LINGO2: variants seen among roughly 807,000 people sequenced by gnomAD.
LINGO2 encodes the protein leucine-rich repeat and immunoglobulin-like domain-containing nogo receptor-interacting protein 2.
LINGO2 carries 14 observed loss-of-function variants against 30.6 expected under a neutral mutation model. That is an observed-to-expected ratio of 0.46 (90% CI 0.30 to 0.72). The LOEUF is 0.72. Ranked by LOEUF, LINGO2 falls within the 30% of genes least tolerant of loss-of-function variation. The probability of loss-of-function intolerance (pLI) is 0.07; values close to 1 mark genes in which losing one functional copy is unlikely to be tolerated. For synonymous variants in LINGO2, 317 were observed against 288.5 expected (o/e 1.10, Z -1.00); for missense variants, 729 against 751.7 (o/e 0.97, Z 0.35).
At chr9:28,742,484 G>C in the LINGO2 span, among the ~76,000 whole-genome samples, 2 of 150,812 alleles carry the variant, frequency 1.3e-5, no homozygotes, top group African/African-American at 4.9e-5. Flanking sequence ...GTTGCGATTG[G>C]GCTTTAAACA....
chr9:28,052,886 A>G (rs1824740504), intron 4 of LINGO2, among the ~76,000 whole-genome samples: 1 of 152,122 alleles, frequency 6.6e-6, no homozygotes, highest in Non-Finnish European at 1.5e-5. Flanking sequence ...ATATCTAGAT[A>G]ATTGCTACTG....
intron 3 of LINGO2, among the ~76,000 whole-genome samples, chr9:28,332,366 T>C (rs969772362): frequency 1.1e-4 from 16 of 152,156 alleles, no homozygotes; most frequent in African/African-American, 3.4e-4. Context: ...GAGCTTCCTC[T>C]TTGACCCTTA....
chr9:28,617,263 G>A (rs891668159), intron 1 of LINGO2, among the ~76,000 whole-genome samples: 14 of 151,612 alleles, frequency 9.2e-5, no homozygotes, highest in African/African-American at 2.4e-4. Flanking sequence ...TCCTCTTTCC[G>A]GCTAGTTTAA....
In LINGO2 at chr9:28,590,175, C is replaced by A. The variant is rs1156241329; in HGVS notation, c.-365+80025G>T. 3.1e-3 allele frequency among the ~76,000 whole-genome samples: 468 copies of A among 152,094 alleles called. 7 individuals carry two copies. The highest frequency in any genetic ancestry group is 0.011 in the African/African-American group (450 of 41,524). On this transcript the variant is annotated intron_variant, in intron 1 of 5. Coordinates refer to ENST00000379992, the Ensembl canonical transcript of LINGO2. ...TAATTCAAGATGGATTAAAGCCTTA[C>A]ATGTTAGACCTAAAACCATAAAAAC...
At chr9:28,770,265 C>G in the LINGO2 span, among the ~76,000 whole-genome samples, 1 of 152,130 alleles carries the variant, frequency 6.6e-6, no homozygotes, top group East Asian at 1.9e-4. Context: ...TGAAACCCAT[C>G]TTTTTCTAGC....
the LINGO2 span, among the ~76,000 whole-genome samples, chr9:28,767,629 CA>C: frequency 6.6e-6 from 1 of 151,454 alleles, no homozygotes; most frequent in African/African-American, 2.4e-5. Context: ...ACTAAAAATA[CA>C]AAAAAATTAG....
intron 4 of LINGO2, among the ~76,000 whole-genome samples, chr9:28,269,319 T>C (rs902365539): frequency 1.3e-5 from 2 of 152,218 alleles, no homozygotes; most frequent in African/African-American, 4.8e-5. Flanking sequence ...TCAATAAATA[T>C]GATTTCAGTG....
chr9:28,730,290 C>G, the LINGO2 span, among the ~76,000 whole-genome samples: 1 of 152,112 alleles, frequency 6.6e-6, no homozygotes, highest in Non-Finnish European at 1.5e-5. Context: ...GCAAGCAATC[C>G]AGATGCAGGA....
chr9:28,347,604 T>C (rs545291958), intron 3 of LINGO2, among the ~76,000 whole-genome samples: 34 of 152,332 alleles, frequency 2.2e-4, no homozygotes, highest in African/African-American at 7.5e-4. Context: ...TGTCATTGAA[T>C]GTGCAGTCCA....
intron 5 of LINGO2, among the ~76,000 whole-genome samples, chr9:27,974,297 G>T (rs1320721192): frequency 6.6e-6 from 1 of 152,116 alleles, no homozygotes; most frequent in Non-Finnish European, 1.5e-5. Context: ...TCCTGGGATT[G>T]CAGAAAAGAT....
intron 1 of LINGO2, among the ~76,000 whole-genome samples, chr9:28,500,516 G>A (rs979739699): frequency 4.2e-4 from 64 of 152,060 alleles, no homozygotes; most frequent in Non-Finnish European, 1.0e-4. Context: ...TTTTAAATGA[G>A]CTAAATAGAT....
intron 4 of LINGO2, among the ~76,000 whole-genome samples, chr9:28,071,578 G>A (rs547607406): frequency 1.3e-5 from 2 of 150,766 alleles, no homozygotes; most frequent in East Asian, 1.9e-4. Flanking sequence ...ATAATCATAC[G>A]AGATAATTTT....
chr9:28,628,188 G>C (rs1023217976), intron 1 of LINGO2, among the ~76,000 whole-genome samples: 2 of 152,094 alleles, frequency 1.3e-5, no homozygotes, highest in Non-Finnish European at 2.9e-5. Flanking sequence ...ACAATTCACA[G>C]CTACTGACAT....
chr9:28,215,651 C>T (rs1052916236), intron 4 of LINGO2, among the ~76,000 whole-genome samples: 1 of 149,306 alleles, frequency 6.7e-6, no homozygotes, highest in Non-Finnish European at 1.5e-5. Context: ...GTGCATGTGT[C>T]TTTGTGTGTG....
At chr9:28,824,637 T>C in the LINGO2 span, among the ~76,000 whole-genome samples, 75 of 152,282 alleles carry the variant, frequency 4.9e-4, no homozygotes, top group African/African-American at 1.8e-3. Flanking sequence ...GAAAGACTGA[T>C]TAATGATGTC....
At chr9:28,426,428 C>T (rs569946628) in intron 2 of LINGO2, among the ~76,000 whole-genome samples, 3 of 151,906 alleles carry the variant, frequency 2.0e-5, no homozygotes, top group Non-Finnish European at 2.9e-5. Flanking sequence ...TTCAGTAATT[C>T]GAGAGTTATA....
At chr9:29,031,471 C>CA in the LINGO2 span, among the ~76,000 whole-genome samples, 1 of 151,992 alleles carries the variant, frequency 6.6e-6, no homozygotes, top group East Asian at 2.0e-4. Context: ...TTAGTAGAGA[C>CA]AGAGTTTCAG....
At chr9:28,902,404 C>T in the LINGO2 span, among the ~76,000 whole-genome samples, 179 of 152,198 alleles carry the variant, frequency 1.2e-3, 2 homozygotes, top group Admixed American at 5.0e-3. Context: ...AAAGCAAACA[C>T]TGTGAGGGGG....
chr9:28,904,611 T>C, the LINGO2 span, among the ~76,000 whole-genome samples: 3 of 151,834 alleles, frequency 2.0e-5, no homozygotes, highest in East Asian at 3.9e-4. Context: ...TTAAAATAGA[T>C]ACAAAAAAAC....
Sources: gnomAD v4.1 joint callset for allele counts (sites outside exome capture counted in the v4.1 genomes callset) on GRCh38, gnomAD v4.1.1 for gene constraint, MANE v1.5 for transcripts, NCBI Gene and HGNC (gene_info 2026-07-23, HGNC 2026-07-21) for gene names.